VTA1: variants seen among roughly 807,000 people sequenced by gnomAD.
VTA1 encodes the protein vesicle trafficking 1.
In VTA1, 24 loss-of-function variants were observed where a neutral mutation model predicts 36.9. The ratio of observed to expected loss-of-function variants is 0.65; its 90% CI spans 0.47 to 0.91. The LOEUF (loss-of-function observed/expected upper bound fraction) is 0.91, where lower values mean the gene tolerates loss of function less well. Ranked by LOEUF, VTA1 falls within the 40% of genes least tolerant of loss-of-function variation. The pLI is 0.00. For missense variants in VTA1, 393 were observed against 377.2 expected (o/e 1.04, Z -0.35); for synonymous variants, 142 against 130.2 (o/e 1.09, Z -0.62).
intron 1 of VTA1, among the ~76,000 whole-genome samples, chr6:142,150,196 A>G (rs190092722): frequency 2.6e-5 from 4 of 152,208 alleles, no homozygotes; most frequent in Admixed American, 2.6e-4. Flanking sequence ...TTGCTGTTTG[A>G]TAACATTGTA....
chr6:142,198,513 T>G lies in VTA1; in HGVS notation c.595T>G (p.Tyr199Asp). 6.2e-7 allele frequency: 1 copy of G among 1,614,168 alleles called. No homozygotes were observed. Among genetic ancestry groups the G allele is most frequent in the South Asian group, 1.1e-5 (1 of 91,082 alleles). ...QPTQPSSSSTYDPSNMPSGNY... is the reference protein window; with the variant it reads ...QPTQPSSSSTDDPSNMPSGNY... ...AACTCAGCCATCATCATCTTCAACT[T>G]ATGACCCAAGCAACATGCCATCAGG... Residue 199 changes from tyrosine to aspartate, a missense_variant, in exon 6 of 8, where the codon TAT becomes GAT. Coordinates refer to ENST00000367630, the MANE Select transcript of VTA1 (RefSeq NM_016485.5).
At chr6:142,213,338 G>A (rs1255311741) in intron 7 of VTA1, among the ~76,000 whole-genome samples, 1 of 152,130 alleles carries the variant, frequency 6.6e-6, no homozygotes, top group Non-Finnish European at 1.5e-5. Flanking sequence ...CAAGGCCTTG[G>A]GCAGCTCCAC....
chr6:142,200,230 CTG>C (rs945609646), intron 6 of VTA1, among the ~76,000 whole-genome samples: 27 of 152,138 alleles, frequency 1.8e-4, no homozygotes, highest in African/African-American at 6.5e-4. Context: ...AAGGGAAAAA[CTG>C]TAAAAATGGA....
In VTA1 at chr6:142,218,595, C is replaced by T. The variant is rs1346779994; in HGVS notation, c.876C>T (p.Val292=). 16 of 1,612,878 alleles carry T rather than the reference C, an allele frequency of 9.9e-6. No individual in the cohort carries two copies. The highest frequency in any genetic ancestry group is 1.7e-5 in the Admixed American group (1 of 59,862). Residue 292 remains valine, a synonymous_variant, in exon 8 of 8, where the codon GTC becomes GTT. Transcript: ENST00000367630. ...ALQYEDVSTA[V]QNLQKALKLL... Reference sequence around the variant, plus strand: ...AGTATGAAGATGTAAGCACTGCTGTCCAGAATCTACAAAAGGCTCTCAAGT... The same window carrying T: ...AGTATGAAGATGTAAGCACTGCTGTTCAGAATCTACAAAAGGCTCTCAAGT...
At position 142,203,888 on chromosome 6, in the gene VTA1, A is replaced by G. The variant is rs1420525066; in HGVS notation, c.698-97A>G. On this transcript the variant is annotated intron_variant, in intron 6 of 7. Coordinates refer to ENST00000367630, the MANE Select transcript of VTA1 (RefSeq NM_016485.5). ...CATTGATGTTTCTAGAAAATAAGCAAAGTAATGAAATTGCCTCATGATTTT... is the reference window on the plus strand; with the variant it reads ...CATTGATGTTTCTAGAAAATAAGCAGAGTAATGAAATTGCCTCATGATTTT... 25 of 931,584 alleles carry G rather than the reference A, an allele frequency of 2.7e-5. 1 individual carries two copies. Among genetic ancestry groups the G allele is most frequent in the Non-Finnish European group, 3.7e-5 (22 of 595,792 alleles). The allele number at this position is 931,584 out of a possible 1,614,324, so 57.7% of individuals were successfully genotyped here. A position where few individuals can be genotyped will look rare whatever the true frequency, so the allele number is the denominator to read the frequency against.
chr6:142,190,633 A>G (rs891226959), intron 5 of VTA1, among the ~76,000 whole-genome samples: 14 of 152,214 alleles, frequency 9.2e-5, no homozygotes, highest in African/African-American at 3.4e-4. Flanking sequence ...AAAGAGAACG[A>G]CCACTGTTCT....
At chr6:142,190,425 T>A (rs1200987439) in intron 5 of VTA1, among the ~76,000 whole-genome samples, 2 of 152,212 alleles carry the variant, frequency 1.3e-5, no homozygotes, top group African/African-American at 4.8e-5. Flanking sequence ...TACTGTTCTG[T>A]ACCTGGCTAT....
intron 5 of VTA1, among the ~76,000 whole-genome samples, chr6:142,198,119 A>G (rs4895596): frequency 0.17 from 16,504 of 97,382 alleles, 1,522 homozygotes; most frequent in African/African-American, 0.26. Context: ...ATATATATAT[A>G]TGTGTGTGTG....
intron 7 of VTA1, among the ~76,000 whole-genome samples, chr6:142,217,900 C>G (rs1245476234): frequency 6.6e-6 from 1 of 151,384 alleles, no homozygotes; most frequent in Admixed American, 6.6e-5. Flanking sequence ...ACATGTTAAT[C>G]ATATGTATAA....
intron 4 of VTA1, among the ~76,000 whole-genome samples, chr6:142,178,519 C>T (rs776366253): frequency 8.6e-5 from 13 of 151,990 alleles, no homozygotes; most frequent in African/African-American, 1.2e-4. Context: ...ATTTGATTTA[C>T]AGGAAGGAAT....
chr6:142,205,699 CTCCCCTCCT>C (rs1382093950), intron 7 of VTA1, among the ~76,000 whole-genome samples: 1 of 152,080 alleles, frequency 6.6e-6, no homozygotes, highest in Non-Finnish European at 1.5e-5. Flanking sequence ...AATTGGAGAA[CTCCCCTCCT>C]TTAAGAAAAA....
At chr6:142,169,382 G>A (rs1248287725) in intron 2 of VTA1, among the ~76,000 whole-genome samples, 168 bp from the exon 3 acceptor site, 2 of 152,158 alleles carry the variant, frequency 1.3e-5, no homozygotes, top group African/African-American at 4.8e-5. Flanking sequence ...TGTTTTAAAT[G>A]CATTGGGCTG....
intron 7 of VTA1, among the ~76,000 whole-genome samples, chr6:142,214,788 G>C (rs1313323614): frequency 2.0e-5 from 3 of 152,146 alleles, no homozygotes; most frequent in Non-Finnish European, 2.9e-5. Context: ...TGAGGAAGGG[G>C]AGATAAGGGA....
chr6:142,208,536 T>C (rs2114683187), intron 7 of VTA1, among the ~76,000 whole-genome samples: 1 of 152,116 alleles, frequency 6.6e-6, no homozygotes, highest in Admixed American at 6.6e-5. Flanking sequence ...ACAGAAAACT[T>C]CCCAAAACTT....
intron 5 of VTA1, among the ~76,000 whole-genome samples, chr6:142,193,869 A>G (rs1049061253): frequency 1.3e-5 from 2 of 152,006 alleles, no homozygotes; most frequent in African/African-American, 2.4e-5. Context: ...CTATGTCACA[A>G]TTTAGTTTGC....
intron 6 of VTA1, among the ~76,000 whole-genome samples, chr6:142,201,594 T>G (rs914490999): frequency 3.3e-5 from 5 of 151,964 alleles, no homozygotes; most frequent in African/African-American, 9.7e-5. Context: ...GTAATAAAGC[T>G]AGATTAAATA....
chr6:142,187,911 TC>T (rs1422790532), intron 4 of VTA1, among the ~76,000 whole-genome samples: 1 of 130,540 alleles, frequency 7.7e-6, no homozygotes, highest in Non-Finnish European at 1.7e-5. Context: ...ATACTTTCTT[TC>T]TTTTTTTTTT....
intron 1 of VTA1, among the ~76,000 whole-genome samples, chr6:142,163,068 A>T (rs1774839404): frequency 6.6e-6 from 1 of 152,184 alleles, no homozygotes; most frequent in Non-Finnish European, 1.5e-5. Context: ...TTACTTGCTT[A>T]TTGCAGAAAA....
At chr6:142,188,577 T>G (rs1433862231) in intron 4 of VTA1, among the ~76,000 whole-genome samples, 1 of 152,146 alleles carries the variant, frequency 6.6e-6, no homozygotes, top group African/African-American at 2.4e-5. Flanking sequence ...GGTGGTCTTG[T>G]AGTGCAGGTG....
Sources: gnomAD v4.1 joint callset for allele counts (sites outside exome capture counted in the v4.1 genomes callset) on GRCh38, gnomAD v4.1.1 for gene constraint, MANE v1.5 for transcripts, NCBI Gene and HGNC (gene_info 2026-07-23, HGNC 2026-07-21) for gene names.